Variants in CNTN4 observed in about 807,000 individuals in gnomAD.
CNTN4 encodes the protein contactin-4.
CNTN4 carries 77 observed loss-of-function variants against 122.5 expected under a neutral mutation model. The ratio of observed to expected loss-of-function variants is 0.63; its 90% CI spans 0.52 to 0.76. The LOEUF is 0.76. Among genes scored for constraint, CNTN4 ranks in the 30% least tolerant of loss-of-function variants. The pLI, the probability that CNTN4 is intolerant of heterozygous loss-of-function variation, is 0.00. For synonymous variants in CNTN4, 512 were observed against 447.0 expected, an observed-to-expected ratio of 1.15 and a Z score of -1.83; for missense variants, 1,256 against 1,259.1, an observed-to-expected ratio of 1.00 and a Z score of 0.04.
intron 5 of CNTN4, among the ~76,000 whole-genome samples, chr3:2,737,930 C>T (rs4685545): frequency 0.58 from 88,254 of 151,668 alleles, 28,493 homozygotes; most frequent in Non-Finnish European, 0.74. Flanking sequence ...GAAATACAAC[C>T]GAAAAGAATT....
intron 3 of CNTN4, among the ~76,000 whole-genome samples, chr3:2,526,969 A>T (rs2077419963): frequency 6.6e-6 from 1 of 152,128 alleles, no homozygotes; most frequent in Non-Finnish European, 1.5e-5. Context: ...GACTTTCTTT[A>T]TGAACTCAGA....
intron 4 of CNTN4, among the ~76,000 whole-genome samples, chr3:2,711,387 T>C (rs1030849087): frequency 2.7e-4 from 41 of 152,214 alleles, no homozygotes; most frequent in African/African-American, 1.2e-4. Flanking sequence ...TGAATCTTTT[T>C]TCTTTTAAAT....
intron 3 of CNTN4, among the ~76,000 whole-genome samples, chr3:2,354,876 G>A (rs2044802066): frequency 6.6e-6 from 1 of 152,180 alleles, no homozygotes; most frequent in South Asian, 2.1e-4. Context: ...TAAACCATTT[G>A]AGGAAAATAC....
intron 14 of CNTN4, among the ~76,000 whole-genome samples, chr3:3,006,725 C>T (rs1188836871): frequency 2.6e-5 from 4 of 152,096 alleles, no homozygotes; most frequent in African/African-American, 7.2e-5. Context: ...GTCTGCCAGG[C>T]CCGATTTCAT....
At chr3:2,202,238 A>G (rs2038132975) in intron 2 of CNTN4, among the ~76,000 whole-genome samples, 1 of 152,156 alleles carries the variant, frequency 6.6e-6, no homozygotes, top group African/African-American at 2.4e-5. Flanking sequence ...GGTTGGAGAA[A>G]AAGTGTGTAT....
chr3:2,544,819 C>A (rs1214198722), intron 3 of CNTN4, among the ~76,000 whole-genome samples: 5 of 151,572 alleles, frequency 3.3e-5, no homozygotes, highest in Admixed American at 3.3e-4. Flanking sequence ...TTCAAAGAAC[C>A]AATTCCTGGA....
intron 2 of CNTN4, among the ~76,000 whole-genome samples, chr3:2,126,252 G>A (rs2034154379): frequency 6.6e-6 from 1 of 152,082 alleles, no homozygotes; most frequent in Non-Finnish European, 1.5e-5. Flanking sequence ...TCTACTATAT[G>A]TTAGGATGTC....
chr3:2,569,378 G>C (rs1402475298), intron 3 of CNTN4, among the ~76,000 whole-genome samples: 1 of 152,112 alleles, frequency 6.6e-6, no homozygotes, highest in Non-Finnish European at 1.5e-5. Context: ...TTTGCTCACA[G>C]TGTTTTTCTT....
At chr3:2,754,554 C>T (rs768271841) in intron 6 of CNTN4, among the ~76,000 whole-genome samples, 15 of 151,982 alleles carry the variant, frequency 9.9e-5, no homozygotes, top group Non-Finnish European at 1.8e-4. Flanking sequence ...TCATGCCCTA[C>T]ATCTCTACCC....
intron 2 of CNTN4, among the ~76,000 whole-genome samples, chr3:2,312,148 A>C (rs2042938540): frequency 6.6e-6 from 1 of 151,992 alleles, no homozygotes; most frequent in African/African-American, 2.4e-5. Context: ...CCTTGTCTCT[A>C]CAAAAAATAA....
At chr3:2,301,394 G>T (rs905705328) in intron 2 of CNTN4, among the ~76,000 whole-genome samples, 1 of 152,086 alleles carries the variant, frequency 6.6e-6, no homozygotes, top group Non-Finnish European at 1.5e-5. Context: ...CACAATAAAT[G>T]CCAGAGGAAA....
intron 23 of CNTN4, among the ~76,000 whole-genome samples, chr3:3,048,326 G>T (rs1333216277): frequency 3.9e-5 from 6 of 152,048 alleles, no homozygotes; most frequent in African/African-American, 4.8e-5. Context: ...ATTATATTAG[G>T]TATTATGAGT....
In CNTN4 at chr3:2,384,761, C is replaced by T. The variant is rs933964445; in HGVS notation, c.-89+45528C>T. On this transcript the variant is annotated intron_variant, in intron 3 of 24. Transcript: ENST00000418658. ...TACACCAGTAACAACTCAATGTGTG[C>T]GTGTGTGTGTGTGTGTGTGTGTGTG... 2.1e-3 allele frequency among the ~76,000 whole-genome samples: 305 copies of T among 147,902 alleles called. 1 individual carries two copies. Among genetic ancestry groups the T allele is most frequent in the East Asian group, 0.02 (99 of 4,974 alleles).
intron 3 of CNTN4, among the ~76,000 whole-genome samples, chr3:2,483,091 A>C (rs924953549): frequency 2.0e-5 from 3 of 152,178 alleles, no homozygotes; most frequent in African/African-American, 7.2e-5. Context: ...AGCAGCCAGG[A>C]GGGGTGCTAT....
At chr3:2,692,028 A>T (rs185583148) in intron 4 of CNTN4, among the ~76,000 whole-genome samples, 26 of 152,274 alleles carry the variant, frequency 1.7e-4, no homozygotes, top group Admixed American at 1.2e-3. Context: ...CGTCCTTGTT[A>T]TTGTTAGGCA....
At chr3:2,620,131 T>C (rs12488433) in intron 4 of CNTN4, among the ~76,000 whole-genome samples, 71,443 of 152,036 alleles carry the variant, frequency 0.47, 17,402 homozygotes, top group Middle Eastern at 0.57. Flanking sequence ...TGCCATACCA[T>C]ATGAAATCAT....
intron 3 of CNTN4, among the ~76,000 whole-genome samples, chr3:2,515,439 T>C (rs1415261305): frequency 1.3e-5 from 2 of 152,182 alleles, no homozygotes; most frequent in South Asian, 2.1e-4. Flanking sequence ...AGAGAAAATA[T>C]GTTCATCGAA....
chr3:2,559,783 C>T (rs546143269), intron 3 of CNTN4, among the ~76,000 whole-genome samples: 27 of 152,232 alleles, frequency 1.8e-4, no homozygotes, highest in Admixed American at 1.3e-3. Flanking sequence ...TGCATGTAGT[C>T]ATGAACTAAA....
Position 2,831,044 on chromosome 3 carries a change from A to G in CNTN4, c.454+11463A>G, listed in dbSNP as rs545032067. On this transcript the variant is annotated intron_variant, in intron 7 of 24. Transcript: ENST00000418658. ...AAATAAGAAGTTGTTAATTTTTCTG[A>G]TATATTTTTTAACATGTTCAGTTTG... Among the ~76,000 whole-genome samples the G allele has an allele frequency of 3.9e-5, 6 of 152,300 alleles. No individual in the cohort carries two copies. The South Asian group carries it at 1.2e-3, about 32-fold the overall frequency.
Sources: gnomAD v4.1 joint callset for allele counts (sites outside exome capture counted in the v4.1 genomes callset) on GRCh38, gnomAD v4.1.1 for gene constraint, MANE v1.5 for transcripts, NCBI Gene and HGNC (gene_info 2026-07-23, HGNC 2026-07-21) for gene names.